Variants in ITM2B observed in about 807,000 individuals in gnomAD.
ITM2B encodes the protein integral membrane protein 2B, also known as ABri/ADan amyloid peptide.
ITM2B carries 11 observed loss-of-function variants against 27.8 expected under a neutral mutation model. The observed-to-expected ratio is 0.40, with a 90% confidence interval of 0.25 to 0.66. The LOEUF (loss-of-function observed/expected upper bound fraction) is 0.66. Ranked by LOEUF, ITM2B falls within the 30% of genes least tolerant of loss-of-function variation. The pLI is 0.43. For missense variants in ITM2B, 296 were observed against 328.9 expected (o/e 0.90, Z 0.77); for synonymous variants, 114 against 114.3 (o/e 1.00, Z 0.02).
chr13:48,235,534 A>C (rs991458431), intron 1 of ITM2B, among the ~76,000 whole-genome samples: 2 of 152,228 alleles, frequency 1.3e-5, no homozygotes, highest in African/African-American at 4.8e-5. Context: ...TTAAAAGTAG[A>C]ATCCTTATAA....
chr13:48,261,174 A>G lies in ITM2B; in HGVS notation c.751A>G (p.Ile251Val), dbSNP rs139394220. ...QKREASNCFA[I>V]RHFENKFAVE... ...ACGTGAAGCCAGCAATTGTTTCGCA[A>G]TTCGGCATTTTGAAAACAAATTTGC... The change falls in exon 6 of 6, where the codon ATT (isoleucine) becomes GTT (valine). Residue 251 changes from isoleucine to valine, a missense_variant. Coordinates refer to ENST00000647800, the MANE Select transcript of ITM2B (RefSeq NM_021999.5). 159 of 1,612,604 alleles carry G rather than the reference A, an allele frequency of 9.9e-5. 1 individual carries two copies. Among genetic ancestry groups the G allele is most frequent in the Admixed American group, 8.3e-5 (5 of 59,960 alleles).
In ITM2B at chr13:48,233,346, G is replaced by T; in HGVS notation, c.-15G>T. On this transcript the variant is annotated 5_prime_UTR_variant, in exon 1 of 6. Transcript: ENST00000647800. The stretch of plus-strand genomic sequence containing the variant: ...GAGCCCGCCGCCGCCCTTCGAGGGC[G>T]CCCCAGGCCGCGCCATGGTGAAGGT... 6.6e-7 allele frequency: 1 copy of T among 1,523,176 alleles called. No individual in the cohort carries two copies. Among genetic ancestry groups the T allele is most frequent in the Admixed American group, 2.0e-5 (1 of 50,204 alleles). The allele number at this position is 1,523,176 out of a possible 1,614,324, so 94.4% of individuals were successfully genotyped here.
chr13:48,258,271 C>G, intron 4 of ITM2B, 35 bp downstream of exon 4: 1 of 1,010,964 alleles, frequency 9.9e-7, no homozygotes, highest in South Asian at 1.3e-5. Context: ...ATGAATGATG[C>G]CTTCATAGTG....
rs9332286 is a variant in ITM2B at position 48,256,879 on chromosome 13, T to C, written c.453+496T>C. Among the ~76,000 whole-genome samples the C allele has an allele frequency of 6.7e-3, 1,013 of 152,294 alleles. 15 individuals are homozygous for C. The highest frequency in any genetic ancestry group is 0.023 in the African/African-American group (962 of 41,542). Reference sequence around the variant, plus strand: ...TTCTGTCATTTGACATAAGTACTTATGCTATTATCTCTCAAGAATGAGTTG... The same window carrying C: ...TTCTGTCATTTGACATAAGTACTTACGCTATTATCTCTCAAGAATGAGTTG... On this transcript the variant is annotated intron_variant, in intron 3 of 5. Coordinates refer to ENST00000647800, the MANE Select transcript of ITM2B (RefSeq NM_021999.5).
intron 1 of ITM2B, among the ~76,000 whole-genome samples, chr13:48,241,393 G>C (rs930960292): frequency 6.6e-6 from 1 of 152,124 alleles, no homozygotes; most frequent in African/African-American, 2.4e-5. Context: ...TGTATTTTTA[G>C]TAAAGACGGG....
chr13:48,244,858 T>A (rs1413546662), intron 1 of ITM2B, among the ~76,000 whole-genome samples: 2 of 152,170 alleles, frequency 1.3e-5, no homozygotes, highest in Admixed American at 1.3e-4. Context: ...GTAGAGAAAA[T>A]CTGTCTTCAC....
chr13:48,252,965 A>C (rs1235831376), intron 1 of ITM2B, among the ~76,000 whole-genome samples: 2 of 152,170 alleles, frequency 1.3e-5, no homozygotes, highest in Non-Finnish European at 2.9e-5. Flanking sequence ...ACAGGGAGGG[A>C]ATATCTAGGA....
intron 1 of ITM2B, among the ~76,000 whole-genome samples, chr13:48,249,955 C>G (rs1409621196): frequency 6.6e-6 from 1 of 152,174 alleles, no homozygotes; most frequent in African/African-American, 2.4e-5. Context: ...TCTAAAAACA[C>G]TTTTAATAAA....
intron 1 of ITM2B, among the ~76,000 whole-genome samples, chr13:48,253,347 A>G (rs767734125): frequency 8.5e-5 from 13 of 152,166 alleles, no homozygotes; most frequent in African/African-American, 1.2e-4. Context: ...CTGGTATGAA[A>G]TATAAACCAC....
At chr13:48,245,717 G>C (rs570107168) in intron 1 of ITM2B, among the ~76,000 whole-genome samples, 267 of 149,862 alleles carry the variant, frequency 1.8e-3, no homozygotes, top group Middle Eastern at 3.5e-3. Context: ...TATATTGCAG[G>C]ATTTTTTAAC....
chr13:48,251,454 G>C lies in ITM2B; in HGVS notation c.118-2354G>C, dbSNP rs78461840. On this transcript the variant is annotated intron_variant, in intron 1 of 5. Transcript: ENST00000647800. ...ATCTGTTTTCCGGACTGATCTAACA[G>C]GTCTCTTTCTTGGCAGAGCATACAT... 5.5e-4 allele frequency among the ~76,000 whole-genome samples: 83 copies of C among 152,176 alleles called. 1 individual carries two copies. In the East Asian group the frequency reaches 0.015, roughly 28 times the overall value.
intron 1 of ITM2B, among the ~76,000 whole-genome samples, chr13:48,251,930 T>C (rs188211667): frequency 5.3e-5 from 8 of 152,372 alleles, no homozygotes; most frequent in African/African-American, 1.9e-4. Context: ...AGCTTTCTTT[T>C]CACAGCTGGG....
intron 1 of ITM2B, among the ~76,000 whole-genome samples, chr13:48,238,848 T>G (rs9332259): frequency 0.013 from 2,007 of 152,286 alleles, 38 homozygotes; most frequent in African/African-American, 0.046. Flanking sequence ...GAAAGCAAGT[T>G]TATTAAGAAA....
intron 1 of ITM2B, among the ~76,000 whole-genome samples, chr13:48,234,563 G>A (rs1251754539): frequency 6.6e-6 from 1 of 152,024 alleles, no homozygotes; most frequent in East Asian, 1.9e-4. Flanking sequence ...ATGGACGAAT[G>A]AAAATTATTG....
Position 48,261,173 on chromosome 13 carries a change from A to G in ITM2B, c.750A>G (p.Ala250=), listed in dbSNP as rs1326513379. The G allele has an allele frequency of 5.6e-6, 9 of 1,612,452 alleles. No individual in the cohort carries two copies. Among genetic ancestry groups the G allele is most frequent in the Non-Finnish European group, 7.6e-6 (9 of 1,179,020 alleles). ...IQKREASNCF[A]IRHFENKFAV... Reference sequence around the variant, plus strand: ...AACGTGAAGCCAGCAATTGTTTCGCAATTCGGCATTTTGAAAACAAATTTG... The same window carrying G: ...AACGTGAAGCCAGCAATTGTTTCGCGATTCGGCATTTTGAAAACAAATTTG... The change falls in exon 6 of 6, where the codon GCA becomes GCG. Residue 250 remains alanine, a synonymous_variant. Coordinates refer to ENST00000647800, the MANE Select transcript of ITM2B (RefSeq NM_021999.5).
chr13:48,258,708 C>A, intron 4 of ITM2B, 89 bp from the exon 5 acceptor site: 1 of 1,212,646 alleles, frequency 8.2e-7, no homozygotes, highest in Non-Finnish European at 1.2e-6. Flanking sequence ...TGTTCCATAC[C>A]ATAATGTGTA....
At chr13:48,243,462 C>A in intron 1 of ITM2B, among the ~76,000 whole-genome samples, 1 of 152,098 alleles carries the variant, frequency 6.6e-6, no homozygotes, top group Non-Finnish European at 1.5e-5. Flanking sequence ...AATATTACTG[C>A]CTTTGTAATA....
chr13:48,261,766 T>C lies in ITM2B; in HGVS notation c.*542T>C, dbSNP rs1669974439. ...GTTTTAATATCCTAGGCATCTGCTG[T>C]AATAATATTTTAGAAAATGTTTGGA... On this transcript the variant is annotated 3_prime_UTR_variant, in exon 6 of 6. Coordinates refer to ENST00000647800, the MANE Select transcript of ITM2B (RefSeq NM_021999.5). The C allele has an allele frequency of 2.6e-5, 4 of 152,840 alleles. No individual in the cohort carries two copies. The highest frequency in any genetic ancestry group is 2.0e-4 in the Admixed American group (3 of 15,282). The allele number at this position is 152,840 out of a possible 1,614,324, so 9.5% of individuals were successfully genotyped here. A position where few individuals can be genotyped will look rare whatever the true frequency, so the allele number is the denominator to read the frequency against.
At chr13:48,245,679 AT>A (rs1375740571) in intron 1 of ITM2B, among the ~76,000 whole-genome samples, 6 of 150,474 alleles carry the variant, frequency 4.0e-5, no homozygotes, top group South Asian at 2.1e-4. Context: ...TTAAATTTTA[AT>A]TTTTTTTCAT....
Sources: allele counts gnomAD v4.1 joint callset (sites outside exome capture counted in the v4.1 genomes callset), GRCh38; gene constraint gnomAD v4.1.1; transcripts MANE v1.5; gene names NCBI Gene and HGNC (gene_info 2026-07-23, HGNC 2026-07-21).